Variants in FAF1 observed in about 807,000 individuals in gnomAD.
FAF1 encodes the protein Fas associated factor 1.
In FAF1, 25 loss-of-function variants were observed where a neutral mutation model predicts 92.5. The ratio of observed to expected loss-of-function variants is 0.27; its 90% CI spans 0.20 to 0.38. The LOEUF (loss-of-function observed/expected upper bound fraction) is 0.38. FAF1 is among the 10% of genes least tolerant of loss of function. The pLI, the probability that FAF1 is intolerant of heterozygous loss-of-function variation, is 1.00. For missense variants in FAF1, 636 were observed against 793.3 expected (o/e 0.80, Z 2.38); for synonymous variants, 234 against 273.2 (o/e 0.86, Z 1.42).
chr1:50,568,803 G>T (rs569114564), intron 12 of FAF1, among the ~76,000 whole-genome samples: 1 of 152,258 alleles, frequency 6.6e-6, no homozygotes, highest in African/African-American at 2.4e-5. Flanking sequence ...CCACACTGTA[G>T]TCAAGGCTTA....
chr1:50,584,922 T>C lies in FAF1; in HGVS notation c.841-111A>G. On this transcript the variant is annotated intron_variant, in intron 9 of 18. Transcript: ENST00000396153. ...TAAGCGTTATAAAATTTTTATCAAA[T>C]AAACTCATTTGCTAGAGTAAAGCTT... 5 of 977,424 alleles carry C rather than the reference T, an allele frequency of 5.1e-6. No homozygotes were observed. The South Asian group carries it at 9.0e-5, about 18-fold the overall frequency. The allele number at this position is 977,424 out of a possible 1,614,324, so 60.5% of individuals were successfully genotyped here. A position where few individuals can be genotyped will look rare whatever the true frequency, so the allele number is the denominator to read the frequency against.
intron 15 of FAF1, among the ~76,000 whole-genome samples, chr1:50,504,739 A>T (rs1647038925): frequency 6.6e-6 from 1 of 152,226 alleles, no homozygotes; most frequent in African/African-American, 2.4e-5. Context: ...CACCTCACCT[A>T]TAGAATACCA....
At chr1:50,600,497 G>A (rs1652049439) in intron 8 of FAF1, among the ~76,000 whole-genome samples, 1 of 151,958 alleles carries the variant, frequency 6.6e-6, no homozygotes, top group Non-Finnish European at 1.5e-5. Flanking sequence ...AGCTTTACCC[G>A]AGAAAGCTCC....
In FAF1 at chr1:50,637,681, A is replaced by ATATGTGTGTGTGTGTG. The variant is rs1553123409; in HGVS notation, c.744+17760_744+17761insCACACACACACACATA. ...CACTCTGTGGCTCACACATATATAT[A>ATATGTGTGTGTGTGTG]TGTGTGTGTGTGTGTGTGTGTGTGT... On this transcript the variant is annotated intron_variant, in intron 8 of 18. Transcript: ENST00000396153. Among the ~76,000 whole-genome samples the ATATGTGTGTGTGTGTG allele has an allele frequency of 2.0e-3, 272 of 137,138 alleles. 1 individual carries two copies. Among genetic ancestry groups the ATATGTGTGTGTGTGTG allele is most frequent in the Non-Finnish European group, 3.2e-3 (208 of 64,270 alleles). 90.0% of individuals were successfully genotyped at this position (137,138 alleles called of 152,430 possible). A position where few individuals can be genotyped will look rare whatever the true frequency, so the allele number is the denominator to read the frequency against.
intron 1 of FAF1, among the ~76,000 whole-genome samples, chr1:50,934,596 C>T (rs945573719): frequency 3.3e-5 from 5 of 152,116 alleles, no homozygotes; most frequent in African/African-American, 1.2e-4. Flanking sequence ...TGGTGGTGCA[C>T]ACCTGTGGTC....
intron 4 of FAF1, among the ~76,000 whole-genome samples, chr1:50,761,919 T>C (rs2124529747): frequency 6.6e-6 from 1 of 152,300 alleles, no homozygotes; most frequent in African/African-American, 2.4e-5. Context: ...GCAGATGACA[T>C]GATTGTATAT....
chr1:50,929,451 T>G (rs2124742450), intron 1 of FAF1, among the ~76,000 whole-genome samples: 1 of 152,320 alleles, frequency 6.6e-6, no homozygotes, highest in Admixed American at 6.5e-5. Flanking sequence ...AAAATTGTAT[T>G]CAGATCCCTT....
chr1:50,938,816 T>C lies in FAF1; in HGVS notation c.45+20951A>G, dbSNP rs188731092. 1.9e-3 allele frequency among the ~76,000 whole-genome samples: 287 copies of C among 152,296 alleles called. 1 individual carries two copies. The highest frequency in any genetic ancestry group is 6.7e-3 in the African/African-American group (279 of 41,558). ...ATACAGCTAGTTATCCTAGCACCATTTATTGAATAAGGGGTCCTCTCCTCA... is the reference window on the plus strand; with the variant it reads ...ATACAGCTAGTTATCCTAGCACCATCTATTGAATAAGGGGTCCTCTCCTCA... On this transcript the variant is annotated intron_variant, in intron 1 of 18. Transcript: ENST00000396153.
chr1:50,699,010 T>A (rs1657352972), intron 7 of FAF1, among the ~76,000 whole-genome samples: 1 of 152,072 alleles, frequency 6.6e-6, no homozygotes, highest in African/African-American at 2.4e-5. Flanking sequence ...AAGAAGACTA[T>A]GAAACATTTA....
intron 7 of FAF1, among the ~76,000 whole-genome samples, chr1:50,686,276 C>T (rs966725276): frequency 6.6e-6 from 1 of 152,120 alleles, no homozygotes; most frequent in Non-Finnish European, 1.5e-5. Context: ...GGCCCGGTGG[C>T]TCATACCTGT....
At chr1:50,947,467 T>C (rs561102355) in intron 1 of FAF1, among the ~76,000 whole-genome samples, 4 of 152,366 alleles carry the variant, frequency 2.6e-5, no homozygotes, top group African/African-American at 9.6e-5. Context: ...AATTATTCTG[T>C]TAATTTTACC....
chr1:50,687,814 G>A (rs547786761), intron 7 of FAF1, among the ~76,000 whole-genome samples: 1 of 151,686 alleles, frequency 6.6e-6, no homozygotes, highest in South Asian at 2.1e-4. Context: ...ACCACGATCA[G>A]ATACCACTTT....
chr1:50,522,716 C>T (rs1647567307), intron 15 of FAF1, among the ~76,000 whole-genome samples: 1 of 152,110 alleles, frequency 6.6e-6, no homozygotes, highest in Non-Finnish European at 1.5e-5. Flanking sequence ...CTTCTCTGCA[C>T]TCAAGAATTG....
chr1:50,439,018 C>T lies in FAF1; in HGVS notation c.*2422G>A, dbSNP rs1043438817. On this transcript the variant is annotated 3_prime_UTR_variant, in exon 19 of 19. Coordinates refer to ENST00000396153, the MANE Select transcript of FAF1 (RefSeq NM_007051.3). ...CTTTCAAACTAATGCTGCAACTGCA[C>T]ATCCAGCAGTCCAAGAACACAAGGG... 1 of 152,238 alleles carries T rather than the reference C, an allele frequency of 6.6e-6. No homozygotes were observed. Among genetic ancestry groups the T allele is most frequent in the African/African-American group, 2.4e-5 (1 of 41,464 alleles). The allele number at this position is 152,238 out of a possible 1,614,324, so 9.4% of individuals were successfully genotyped here.
intron 13 of FAF1, among the ~76,000 whole-genome samples, chr1:50,559,066 C>T (rs1649735019): frequency 6.6e-6 from 1 of 152,102 alleles, no homozygotes; most frequent in Non-Finnish European, 1.5e-5. Flanking sequence ...GCCCGACCTA[C>T]AAGGTGAAAC....
intron 6 of FAF1, among the ~76,000 whole-genome samples, chr1:50,725,700 C>T (rs1453638555): frequency 2.6e-5 from 4 of 152,118 alleles, no homozygotes; most frequent in African/African-American, 4.8e-5. Flanking sequence ...AAATGATCCA[C>T]CCTCCTCCGC....
intron 2 of FAF1, among the ~76,000 whole-genome samples, chr1:50,849,758 C>T (rs1408658032): frequency 6.6e-6 from 1 of 152,102 alleles, no homozygotes; most frequent in Non-Finnish European, 1.5e-5. Context: ...AAAATGCCAA[C>T]ATGTTGGTAA....
chr1:50,530,504 G>T (rs75520406), intron 15 of FAF1, among the ~76,000 whole-genome samples: 2 of 151,772 alleles, frequency 1.3e-5, no homozygotes, highest in African/African-American at 2.4e-5. Flanking sequence ...GAAGGGTGGT[G>T]GGGGGAGGTG....
At chr1:50,847,595 A>G (rs1644313023) in intron 2 of FAF1, among the ~76,000 whole-genome samples, 1 of 152,126 alleles carries the variant, frequency 6.6e-6, no homozygotes, top group Admixed American at 6.5e-5. Flanking sequence ...AAAGCTGTAG[A>G]ACAAAAAACA....
Sources: allele counts gnomAD v4.1 joint callset (sites outside exome capture counted in the v4.1 genomes callset), GRCh38; gene constraint gnomAD v4.1.1; transcripts MANE v1.5; gene names NCBI Gene and HGNC (gene_info 2026-07-23, HGNC 2026-07-21).